ZSCAN30: variants seen among roughly 807,000 people sequenced by gnomAD.
The protein encoded by ZSCAN30 is zinc finger and SCAN domain-containing protein 30.
ZSCAN30 carries 37 observed loss-of-function variants against 44.3 expected under a neutral mutation model. The observed-to-expected ratio is 0.84, with a 90% CI of 0.64 to 1.10. The LOEUF is 1.10. ZSCAN30 is among the 50% of genes least tolerant of loss of function. The pLI is 0.00. For synonymous variants in ZSCAN30, 181 were observed against 204.6 expected, an observed-to-expected ratio of 0.88 and a Z score of 0.98; for missense variants, 549 against 582.6, an observed-to-expected ratio of 0.94 and a Z score of 0.59.
chr18:35,270,704 G>C (rs1413630432), intron 1 of ZSCAN30, among the ~76,000 whole-genome samples: 1 of 152,110 alleles, frequency 6.6e-6, no homozygotes. Flanking sequence ...TCTCAGTCTC[G>C]CAAGTAGCTG....
chr18:35,273,644 A>C (rs1598643189), intron 1 of ZSCAN30, among the ~76,000 whole-genome samples: 4 of 152,324 alleles, frequency 2.6e-5, no homozygotes. Flanking sequence ...GGTCTTAGCA[A>C]CCTTGTTAAA....
intron 1 of ZSCAN30, chr18:35,270,243 G>A (rs1258213812): frequency 1.3e-5 from 1 of 79,750 alleles, no homozygotes; most frequent in Non-Finnish European, 3.0e-5. Context: ...AAAGTATATG[G>A]GATCTCTCTG....
chr18:35,279,384 C>A (rs2044416924), intron 1 of ZSCAN30, among the ~76,000 whole-genome samples: 1 of 152,202 alleles, frequency 6.6e-6, no homozygotes, highest in African/African-American at 2.4e-5. Flanking sequence ...TCATCACATG[C>A]ATTCTCCTCT....
chr18:35,267,944 C>A (rs2044196300), intron 1 of ZSCAN30: 1 of 152,092 alleles, frequency 6.6e-6, no homozygotes. Flanking sequence ...GGGGACGGGT[C>A]CTGCCCACGA....
chr18:35,283,562 G>A (rs2044498311), intron 1 of ZSCAN30: 1 of 152,404 alleles, frequency 6.6e-6, no homozygotes, highest in South Asian at 2.1e-4. Context: ...GCGAAAGAGT[G>A]TGGGGTCTGG....
intron 1 of ZSCAN30, among the ~76,000 whole-genome samples, chr18:35,265,341 A>G (rs907991109): frequency 2.0e-5 from 3 of 152,186 alleles, no homozygotes; most frequent in East Asian, 1.9e-4. Flanking sequence ...TACAAATACT[A>G]TTTTACTGGA....
At chr18:35,269,288 T>G (rs549904704) in intron 1 of ZSCAN30, 6 of 152,216 alleles carry the variant, frequency 3.9e-5, no homozygotes, top group Non-Finnish European at 8.8e-5. Context: ...AGTGTTTGAC[T>G]CTTGCATACC....
intron 1 of ZSCAN30, chr18:35,282,015 T>G (rs2044464498): frequency 6.6e-6 from 1 of 152,102 alleles, no homozygotes; most frequent in Admixed American, 6.5e-5. Flanking sequence ...TCCTTCTAAG[T>G]TAATCTGATG....
chr18:35,268,241 G>A (rs1407508935), intron 1 of ZSCAN30: 1 of 152,330 alleles, frequency 6.6e-6, no homozygotes, highest in African/African-American at 2.4e-5. Context: ...TCAAATACCA[G>A]GCTCAGGTGT....
Position 35,252,150 on chromosome 18 carries a change from T to C in ZSCAN30, c.*1300A>G, listed in dbSNP as rs1294930396. 4 of 152,232 alleles carry C rather than the reference T, an allele frequency of 2.6e-5. No homozygotes were observed. The highest frequency in any genetic ancestry group is 2.0e-4 in the Admixed American group (3 of 15,284). 9.4% of individuals were successfully genotyped at this position (152,232 alleles called of 1,614,324 possible). The stretch of plus-strand genomic sequence containing the variant: ...GAATCCCCATGTGTTGCTTTTCCTC[T>C]TCCTACTTATAATCACTGAGTTGGG... On this transcript the variant is annotated 3_prime_UTR_variant, in exon 4 of 4. Transcript: ENST00000333206.
chr18:35,270,683 C>T (rs8099097), intron 1 of ZSCAN30, among the ~76,000 whole-genome samples: 25,945 of 152,134 alleles, frequency 0.17, 2,374 homozygotes, highest in African/African-American at 0.2. Flanking sequence ...GCGGCTCAAG[C>T]AATTCTCCTG....
chr18:35,273,954 T>C (rs561972791), intron 1 of ZSCAN30, among the ~76,000 whole-genome samples: 2 of 152,344 alleles, frequency 1.3e-5, no homozygotes, highest in Admixed American at 1.3e-4. Flanking sequence ...CTTAGCTCGG[T>C]TGCCTGGTTA....
chr18:35,279,464 CT>C (rs1309047050), intron 1 of ZSCAN30, among the ~76,000 whole-genome samples: 1 of 152,232 alleles, frequency 6.6e-6, no homozygotes, highest in Non-Finnish European at 1.5e-5. Flanking sequence ...CACTCTAATC[CT>C]TTATGACCTT....
Position 35,253,141 on chromosome 18 carries a change from C to G in ZSCAN30, c.*309G>C. The G allele has an allele frequency of 4.5e-6, 1 of 223,760 alleles. No homozygotes were observed. Among genetic ancestry groups the G allele is most frequent in the East Asian group, 9.5e-5 (1 of 10,550 alleles). The allele number at this position is 223,760 out of a possible 1,614,324, so 13.9% of individuals were successfully genotyped here. On this transcript the variant is annotated 3_prime_UTR_variant, in exon 4 of 4. Transcript: ENST00000333206. ...ATCCTGGCATTACTGTGAAGGTGCC[C>G]AATGGAAATTATATCTGAGTTGGCA...
intron 3 of ZSCAN30, chr18:35,261,353 T>C (rs1055584549): frequency 6.6e-6 from 1 of 152,212 alleles, no homozygotes; most frequent in African/African-American, 2.4e-5. Flanking sequence ...TTTTGTACCA[T>C]ATGAATTTTA....
At chr18:35,257,613 C>T (rs115431544) in intron 3 of ZSCAN30, 97 of 361,858 alleles carry the variant, frequency 2.7e-4, no homozygotes, top group African/African-American at 1.9e-3. Flanking sequence ...GAAGTAAATC[C>T]GTGTTGTTTA....
intron 1 of ZSCAN30, among the ~76,000 whole-genome samples, chr18:35,279,537 G>T (rs1598650500): frequency 2.6e-5 from 4 of 152,310 alleles, no homozygotes. Flanking sequence ...ACAAAAAATA[G>T]CATAGCCTGG....
At position 35,268,488 on chromosome 18, in the gene ZSCAN30, A is replaced by T. The variant is rs1382535530; in HGVS notation, c.-103-4033T>A. On this transcript the variant is annotated intron_variant, in intron 1 of 3. Coordinates refer to ENST00000333206, the MANE Select transcript of ZSCAN30 (RefSeq NM_001112734.4). Reference sequence around the variant, plus strand: ...AAATAAACGGGATTGTGAAATACCAACGTTTTGGAATGGGGAAGAAAAGGA... The same window carrying T: ...AAATAAACGGGATTGTGAAATACCATCGTTTTGGAATGGGGAAGAAAAGGA... 3 of 152,268 alleles carry T rather than the reference A, an allele frequency of 2.0e-5. No homozygotes were observed. The East Asian group carries it at 5.8e-4, about 29-fold the overall frequency. The allele number at this position is 152,268 out of a possible 1,614,324, so 9.4% of individuals were successfully genotyped here.
Position 35,254,328 on chromosome 18 carries a change from A to G in ZSCAN30, c.607T>C (p.Cys203Arg). 1 of 1,613,938 alleles carries G rather than the reference A, an allele frequency of 6.2e-7. No homozygotes were observed. The highest frequency in any genetic ancestry group is 8.5e-7 in the Non-Finnish European group (1 of 1,179,800). ...GATATCATAGCTGCTGAGGCTACAC[A>G]TTCAACAATTTCTTGCTTTGCCATC... ...VLMAKQEIVE[C>R]VASAAMISPG... Residue 203 changes from cysteine to arginine, a missense_variant, in exon 4 of 4, where the codon TGT (cysteine) becomes CGT (arginine). Cys to Arg is a radical substitution (Grantham distance 180). Coordinates refer to ENST00000333206, the MANE Select transcript of ZSCAN30 (RefSeq NM_001112734.4).
Sources: allele counts gnomAD v4.1 joint callset (sites outside exome capture counted in the v4.1 genomes callset), GRCh38; gene constraint gnomAD v4.1.1; transcripts MANE v1.5; gene names NCBI Gene and HGNC (gene_info 2026-07-23, HGNC 2026-07-21).